The following FBRSL1 variants were observed in gnomAD, a reference collection of about 807,000 sequenced individuals.
FBRSL1 encodes the protein fibrosin like 1.
Under a neutral mutation model 89.6 loss-of-function variants are expected in FBRSL1, and 51 were observed. That is an observed-to-expected ratio of 0.57 (90% CI 0.45 to 0.72). FBRSL1 has a LOEUF of 0.72. Among genes scored for constraint, FBRSL1 ranks in the 30% least tolerant of loss-of-function variants. FBRSL1 has a pLI of 0.00. For synonymous variants in FBRSL1, 779 were observed against 681.1 expected (o/e 1.14, Z -2.24); for missense variants, 1,618 against 1,451.8 (o/e 1.11, Z -1.86).
At position 132,490,673 on chromosome 12, in the gene FBRSL1, G is replaced by C; in HGVS notation, c.103G>C (p.Gly35Arg). The C allele has an allele frequency of 7.0e-6, 7 of 1,000,428 alleles. No individual in the cohort carries two copies. The highest frequency in any genetic ancestry group is 8.4e-6 in the Non-Finnish European group (7 of 836,000). 62.0% of individuals were successfully genotyped at this position (1,000,428 alleles called of 1,614,324 possible). Residue 35 changes from glycine to arginine, a missense_variant, in exon 1 of 19, where the codon GGC (glycine) becomes CGC (arginine). Transcript: ENST00000680143. ...CGCCCGCGCCCAGAGTCCGTCGTCG[G>C]GCGACGAGCCCGAGCCCAGCCCCGG... ...RDARAQSPSS[G>R]DEPEPSPGKE... is the part of the protein sequence containing the mutation.
At chr12:132,505,741 C>T (rs1395243978) in intron 1 of FBRSL1, among the ~76,000 whole-genome samples, 2 of 152,214 alleles carry the variant, frequency 1.3e-5, no homozygotes, top group Non-Finnish European at 2.9e-5. Flanking sequence ...TGCTGTGGGG[C>T]CTCTGAAACC....
intron 4 of FBRSL1, among the ~76,000 whole-genome samples, chr12:132,538,080 G>A (rs1032948515): frequency 2.0e-5 from 3 of 152,190 alleles, no homozygotes; most frequent in African/African-American, 7.2e-5. Context: ...GTCAGAGTGA[G>A]CTTGGGTGTG....
intron 5 of FBRSL1, chr12:132,554,001 C>A (rs896284175): frequency 6.6e-6 from 1 of 152,298 alleles, no homozygotes; most frequent in Non-Finnish European, 1.5e-5. Context: ...GCTCCAAGAA[C>A]AGAGCCTGGA....
At chr12:132,511,688 G>A in intron 2 of FBRSL1, 1 of 985,478 alleles carries the variant, frequency 1.0e-6, no homozygotes, top group Non-Finnish European at 1.2e-6. Flanking sequence ...TGTCAGGAAG[G>A]GGATGGGTGT....
At chr12:132,518,315 A>G (rs566908138) in intron 2 of FBRSL1, among the ~76,000 whole-genome samples, 74 of 149,598 alleles carry the variant, frequency 4.9e-4, no homozygotes, top group Non-Finnish European at 8.6e-4. Flanking sequence ...CTGTCCATCC[A>G]GCCACCCATG....
chr12:132,497,361 G>A (rs2032212931), intron 1 of FBRSL1, among the ~76,000 whole-genome samples: 1 of 152,010 alleles, frequency 6.6e-6, no homozygotes, highest in African/African-American at 2.4e-5. Context: ...GCTCAGGAGG[G>A]CCCTCTAAGT....
rs573914152 is a variant in FBRSL1 at position 132,546,387 on chromosome 12, T to A, written c.616-1616T>A. Among the ~76,000 whole-genome samples, 1 of 152,354 alleles carries A rather than the reference T, an allele frequency of 6.6e-6. No homozygotes were observed. Among genetic ancestry groups the A allele is most frequent in the African/African-American group, 2.4e-5 (1 of 41,598 alleles). On this transcript the variant is annotated intron_variant, in intron 4 of 18. Transcript: ENST00000680143. The surrounding 1 kb of genome is among the most constrained non-coding windows in gnomAD (Gnocchi z 4.0). ...GGTTCTGACTTGGAGCCCTCAGTTC[T>A]TGTGTGGTGGGCCGGGCTGGGCGGG...
At chr12:132,573,860 G>A (rs2040207937) in intron 11 of FBRSL1, among the ~76,000 whole-genome samples, 1 of 152,170 alleles carries the variant, frequency 6.6e-6, no homozygotes, top group Admixed American at 6.5e-5. Context: ...CCCCGGGGAG[G>A]GTCGCCCACC....
intron 4 of FBRSL1, among the ~76,000 whole-genome samples, chr12:132,533,889 G>A (rs1473111804): frequency 6.6e-6 from 1 of 152,234 alleles, no homozygotes; most frequent in Non-Finnish European, 1.5e-5. Flanking sequence ...GCCGGGGTCA[G>A]GGCAGCATCT....
intron 5 of FBRSL1, among the ~76,000 whole-genome samples, chr12:132,559,735 G>A (rs914716321): frequency 2.0e-5 from 3 of 152,178 alleles, no homozygotes; most frequent in African/African-American, 7.2e-5. Context: ...TTCTGGGAGC[G>A]GGGTGGCAGG....
chr12:132,568,226 G>A (rs921579244), intron 6 of FBRSL1, among the ~76,000 whole-genome samples: 1 of 152,220 alleles, frequency 6.6e-6, no homozygotes, highest in African/African-American at 2.4e-5. Context: ...CAGGGCCACG[G>A]GGTCTCGGCT....
intron 1 of FBRSL1, among the ~76,000 whole-genome samples, chr12:132,498,251 G>A (rs1291704705): frequency 6.6e-6 from 1 of 152,180 alleles, no homozygotes; most frequent in South Asian, 2.1e-4. Context: ...TGTGTCGGGG[G>A]CATGGGGCCG....
rs1019759074 is a variant in FBRSL1, at chr12:132,583,590, G to A, written c.2821G>A (p.Gly941Arg). Residue 941 changes from glycine to arginine, a missense_variant, in exon 19 of 19, where the codon GGG becomes AGG. Physicochemically the swap from Gly to Arg is moderately radical, Grantham distance 125. Coordinates refer to ENST00000680143, the MANE Select transcript of FBRSL1 (RefSeq NM_001367871.1). The stretch of plus-strand genomic sequence containing the variant: ...CCTCTCGCCCGCCGCGCTGCACAAT[G>A]GGCTCCTGGCGCGGACCCCGCCCGC... Reference protein sequence around the residue: ...PRLSPAALHNGLLARTPPAAA... With the variant: ...PRLSPAALHNRLLARTPPAAA... 5.0e-5 allele frequency: 50 copies of A among 998,556 alleles called. No individual in the cohort carries two copies. In the East Asian group the frequency reaches 4.8e-3, roughly 95 times the overall value. 61.9% of individuals were successfully genotyped at this position (998,556 alleles called of 1,614,324 possible).
In FBRSL1 at chr12:132,570,340, G is replaced by A. The variant is rs1045783475; in HGVS notation, c.1013G>A (p.Ser338Asn). 87 of 1,530,200 alleles carry A rather than the reference G, an allele frequency of 5.7e-5. No homozygotes were observed. Among genetic ancestry groups the A allele is most frequent in the Non-Finnish European group, 7.2e-5 (82 of 1,143,820 alleles). 94.8% of individuals were successfully genotyped at this position (1,530,200 alleles called of 1,614,324 possible). Residue 338 changes from serine to asparagine, a missense_variant, in exon 8 of 19, where the codon AGC becomes AAC. Coordinates refer to ENST00000680143, the MANE Select transcript of FBRSL1 (RefSeq NM_001367871.1). ...CTGAGCCCCGTGTCCCGCAGCAGGA[G>A]CAGCAGCGCCCCCCTGGGCCTGGGG... Reference protein sequence around the residue: ...AANGLHGLSRSSSAPLGLGKH... With the variant: ...AANGLHGLSRNSSAPLGLGKH...
At chr12:132,578,197 T>C (rs1173992020) in intron 15 of FBRSL1, among the ~76,000 whole-genome samples, 1 of 152,216 alleles carries the variant, frequency 6.6e-6, no homozygotes, top group Non-Finnish European at 1.5e-5. Flanking sequence ...AGGCAGACCA[T>C]GACCAGGCGT....
chr12:132,490,954 C>G, intron 1 of FBRSL1, 93 bp downstream of exon 1: 1 of 969,040 alleles, frequency 1.0e-6, no homozygotes, highest in South Asian at 3.7e-5. Flanking sequence ...GGGCTTGCGA[C>G]CGCCCGCGCC....
rs1262902408 is a variant in FBRSL1 at position 132,499,649 on chromosome 12, G to A, written c.292-8504G>A. Among the ~76,000 whole-genome samples the A allele has an allele frequency of 6.6e-6, 1 of 151,992 alleles. No homozygotes were observed. The highest frequency in any genetic ancestry group is 1.5e-5 in the Non-Finnish European group (1 of 67,998). On this transcript the variant is annotated intron_variant, in intron 1 of 18. Coordinates refer to ENST00000680143, the MANE Select transcript of FBRSL1 (RefSeq NM_001367871.1). This position sits in a 1 kb window ranked among gnomAD's most constrained non-coding sequence, Gnocchi z 4.3. ...GTCAGGAAGGGCACATGTAGCAGGT[G>A]GTACAGGTTTGGGGTGCCGGTGGCA...
In FBRSL1 at chr12:132,583,854, C is replaced by T. The variant is rs61952100; in HGVS notation, c.*76C>T. On this transcript the variant is annotated 3_prime_UTR_variant, in exon 19 of 19. Coordinates refer to ENST00000680143, the MANE Select transcript of FBRSL1 (RefSeq NM_001367871.1). ...TCCATCAGTTCCTAGAACTCAAGCA[C>T]AGCTCCCGCCGATCCTGGGGCGGCG... 2 of 892,394 alleles carry T rather than the reference C, an allele frequency of 2.2e-6. No individual in the cohort carries two copies. Among genetic ancestry groups the T allele is most frequent in the South Asian group, 5.3e-5 (1 of 18,702 alleles). The allele number at this position is 892,394 out of a possible 1,614,324, so 55.3% of individuals were successfully genotyped here. A position where few individuals can be genotyped will look rare whatever the true frequency, so the allele number is the denominator to read the frequency against.
intron 4 of FBRSL1, among the ~76,000 whole-genome samples, chr12:132,540,977 C>T (rs1031731453): frequency 5.3e-5 from 8 of 152,298 alleles, no homozygotes; most frequent in African/African-American, 1.9e-4. Context: ...TACAGCCTCC[C>T]ACCACACCCC....
Sources: allele counts gnomAD v4.1 joint callset (sites outside exome capture counted in the v4.1 genomes callset), GRCh38; gene constraint gnomAD v4.1.1; non-coding constraint Gnocchi (gnomAD v3.1); transcripts MANE v1.5; gene names NCBI Gene and HGNC (gene_info 2026-07-23, HGNC 2026-07-21).